Variants in KCNIP4 observed in about 807,000 individuals in gnomAD.
KCNIP4 encodes potassium voltage-gated channel interacting protein 4.
A neutral mutation model predicts 34.0 loss-of-function variants in KCNIP4; 12 were observed. That is an observed-to-expected ratio of 0.35 (90% confidence interval 0.23 to 0.57). The LOEUF is 0.57. Among genes scored for constraint, KCNIP4 ranks in the 20% least tolerant of loss-of-function variants. The pLI is 0.83. For synonymous variants in KCNIP4, 124 were observed against 102.2 expected, an observed-to-expected ratio of 1.21 and a Z score of -1.29; for missense variants, 238 against 311.7, an observed-to-expected ratio of 0.76 and a Z score of 1.78.
chr4:20,743,786 A>G (rs898028113), intron 5 of KCNIP4, among the ~76,000 whole-genome samples: 1 of 152,176 alleles, frequency 6.6e-6, no homozygotes, highest in Admixed American at 6.5e-5. Context: ...TAATTAAACT[A>G]AGGAACTTCT....
At chr4:21,852,263 C>T (rs1366837674) in intron 1 of KCNIP4, 1 of 152,054 alleles carries the variant, frequency 6.6e-6, no homozygotes, top group Non-Finnish European at 1.5e-5. Context: ...GTACTGAATG[C>T]TTTTTATAAG....
intron 1 of KCNIP4, among the ~76,000 whole-genome samples, chr4:21,681,593 T>C (rs1298624461): frequency 6.6e-6 from 1 of 152,238 alleles, no homozygotes; most frequent in African/African-American, 2.4e-5. Flanking sequence ...AACTTTCTTC[T>C]GCAGCTTCCC....
chr4:21,321,640 G>C (rs1714428024), intron 1 of KCNIP4, among the ~76,000 whole-genome samples: 1 of 120,584 alleles, frequency 8.3e-6, no homozygotes, highest in African/African-American at 3.2e-5. Flanking sequence ...GTATGAGGAA[G>C]AAGAAAATGA....
intron 1 of KCNIP4, among the ~76,000 whole-genome samples, chr4:20,917,508 T>C (rs1335740896): frequency 1.3e-5 from 2 of 152,188 alleles, no homozygotes; most frequent in Non-Finnish European, 2.9e-5. Flanking sequence ...AGGAAGCTTA[T>C]GGCCTAGCAA....
At chr4:21,571,097 C>T (rs1740333140) in intron 1 of KCNIP4, among the ~76,000 whole-genome samples, 1 of 152,144 alleles carries the variant, frequency 6.6e-6, no homozygotes, top group South Asian at 2.1e-4. Context: ...CAAGTGCCAC[C>T]TGGCAGCTTG....
chr4:21,754,674 C>T (rs1717385172), intron 1 of KCNIP4, among the ~76,000 whole-genome samples: 1 of 152,132 alleles, frequency 6.6e-6, no homozygotes, highest in Non-Finnish European at 1.5e-5. Flanking sequence ...ATTTCTTTAA[C>T]ATGTCTAATA....
chr4:21,662,228 G>A (rs949674342), intron 1 of KCNIP4, among the ~76,000 whole-genome samples: 10 of 152,184 alleles, frequency 6.6e-5, no homozygotes, highest in Admixed American at 6.5e-4. Context: ...AGCTTGGGAA[G>A]ATACTGACAT....
chr4:20,880,981 C>A, intron 2 of KCNIP4, among the ~76,000 whole-genome samples: 1 of 152,234 alleles, frequency 6.6e-6, no homozygotes, highest in East Asian at 1.9e-4. Context: ...TTAGTGCTAA[C>A]GAAAGTTATT....
At chr4:21,556,931 A>AAAAC (rs1739103327) in intron 1 of KCNIP4, among the ~76,000 whole-genome samples, 1 of 134,190 alleles carries the variant, frequency 7.5e-6, no homozygotes, top group African/African-American at 2.8e-5. Context: ...AGAAAAAAAA[A>AAAAC]AAAAAAAAAA....
At chr4:20,816,889 T>G (rs755103544) in intron 3 of KCNIP4, among the ~76,000 whole-genome samples, 1 of 152,178 alleles carries the variant, frequency 6.6e-6, no homozygotes, top group African/African-American at 2.4e-5. Flanking sequence ...ACCGATTTTG[T>G]GTTAGCCATG....
intron 3 of KCNIP4, among the ~76,000 whole-genome samples, chr4:20,838,699 G>C (rs1719354021): frequency 6.6e-6 from 1 of 152,188 alleles, no homozygotes; most frequent in Admixed American, 6.5e-5. Flanking sequence ...GGGATAGCAG[G>C]ACAATGTGTT....
chr4:21,332,100 AG>A (rs1715698084), intron 1 of KCNIP4, among the ~76,000 whole-genome samples: 1 of 152,110 alleles, frequency 6.6e-6, no homozygotes, highest in Admixed American at 6.6e-5. Context: ...AAATTTTAAA[AG>A]CTAGTGTTAA....
chr4:21,743,998 A>T (rs1020028402), intron 1 of KCNIP4, among the ~76,000 whole-genome samples: 5 of 152,066 alleles, frequency 3.3e-5, no homozygotes, highest in African/African-American at 9.7e-5. Context: ...GGAACAGAAA[A>T]TCTAGATTAT....
intron 1 of KCNIP4, among the ~76,000 whole-genome samples, chr4:21,059,657 G>A (rs987619696): frequency 2.6e-5 from 4 of 151,912 alleles, no homozygotes; most frequent in Admixed American, 6.6e-5. Context: ...AGAGGGGAGG[G>A]GGAATTATTC....
intron 1 of KCNIP4, among the ~76,000 whole-genome samples, chr4:21,867,383 G>T (rs933215182): frequency 2.0e-5 from 3 of 152,178 alleles, no homozygotes; most frequent in Non-Finnish European, 4.4e-5. Context: ...CCAACTTTCT[G>T]CTCATAAAGT....
intron 1 of KCNIP4, among the ~76,000 whole-genome samples, chr4:21,028,355 CA>C (rs1400826508): frequency 6.6e-6 from 1 of 152,160 alleles, no homozygotes; most frequent in African/African-American, 2.4e-5. Context: ...CAAAACTCTC[CA>C]ACAGCCTCTG....
intron 1 of KCNIP4, among the ~76,000 whole-genome samples, chr4:21,730,586 C>G (rs917059983): frequency 6.6e-6 from 1 of 151,840 alleles, no homozygotes; most frequent in African/African-American, 2.4e-5. Context: ...TATTAATATA[C>G]CATAATGAAA....
At chr4:21,371,399 C>A (rs1050816757) in intron 1 of KCNIP4, among the ~76,000 whole-genome samples, 1 of 146,104 alleles carries the variant, frequency 6.8e-6, no homozygotes, top group Non-Finnish European at 1.5e-5. Context: ...CTGGCAGACA[C>A]CTCTGGGGGA....
intron 2 of KCNIP4, among the ~76,000 whole-genome samples, chr4:20,858,204 T>C (rs1721814210): frequency 1.2e-5 from 1 of 85,112 alleles, no homozygotes; most frequent in Non-Finnish European, 2.1e-5. Flanking sequence ...AGAGTGAAAC[T>C]CCATCTCAAA....
Sources: gnomAD v4.1 joint callset for allele counts (sites outside exome capture counted in the v4.1 genomes callset) on GRCh38, gnomAD v4.1.1 for gene constraint, MANE v1.5 for transcripts, NCBI Gene and HGNC (gene_info 2026-07-23, HGNC 2026-07-21) for gene names.